LYPD6B: variants seen among roughly 807,000 people sequenced by gnomAD.
LYPD6B encodes the protein LY6/PLAUR domain containing 6B.
A neutral mutation model predicts 22.8 loss-of-function variants in LYPD6B; 17 were observed. The observed-to-expected ratio is 0.75, with a 90% CI of 0.51 to 1.12. The LOEUF (loss-of-function observed/expected upper bound fraction) is 1.12. Ranked by LOEUF, LYPD6B falls within the 50% of genes most tolerant of loss-of-function variation. The pLI, the probability that LYPD6B is intolerant of heterozygous loss-of-function variation, is 0.00. For synonymous variants in LYPD6B, 106 were observed against 91.6 expected, an observed-to-expected ratio of 1.16 and a Z score of -0.90; for missense variants, 221 against 258.3, an observed-to-expected ratio of 0.86 and a Z score of 0.99.
intron 4 of LYPD6B, chr2:149,206,197 T>A: frequency 3.8e-6 from 1 of 264,754 alleles, no homozygotes; most frequent in Admixed American, 4.6e-5. Flanking sequence ...GTCAAGAGGG[T>A]GAGATGCAGA....
intron 1 of LYPD6B, among the ~76,000 whole-genome samples, chr2:149,077,207 C>G (rs1684918884): frequency 6.6e-6 from 1 of 152,106 alleles, no homozygotes; most frequent in South Asian, 2.1e-4. Context: ...TGCAACTTTG[C>G]AAAGATAAGG....
intron 1 of LYPD6B, among the ~76,000 whole-genome samples, chr2:149,074,028 C>A (rs1414455221): frequency 6.6e-6 from 1 of 152,150 alleles, no homozygotes; most frequent in Non-Finnish European, 1.5e-5. Context: ...ATACAAGCAT[C>A]TAAGGATCAA....
chr2:149,090,860 C>T (rs1245175834), intron 1 of LYPD6B, among the ~76,000 whole-genome samples: 3 of 152,158 alleles, frequency 2.0e-5, no homozygotes, highest in Non-Finnish European at 4.4e-5. Flanking sequence ...TATAAAACCA[C>T]AGCATTTGGC....
Position 149,173,349 on chromosome 2 carries a change from C to CTTTTTTTTTTT in LYPD6B, c.77+12524_77+12534dup, listed in dbSNP as rs67113716. Among the ~76,000 whole-genome samples the CTTTTTTTTTTT allele has an allele frequency of 1.2e-3, 72 of 58,480 alleles. 3 individuals are homozygous for CTTTTTTTTTTT. Among genetic ancestry groups the CTTTTTTTTTTT allele is most frequent in the East Asian group, 2.2e-3 (4 of 1,818 alleles). The allele number at this position is 58,480 out of a possible 152,430, so 38.4% of individuals were successfully genotyped here. ...AGCTTGATGCTTTAGTCTGTCAGGC[C>CTTTTTTTTTTT]TTTTTTTTTTTTTTTTTTTTGCATC... On this transcript the variant is annotated intron_variant, in intron 3 of 6. Coordinates refer to ENST00000409642, the MANE Select transcript of LYPD6B (RefSeq NM_177964.5).
chr2:149,083,032 T>C (rs1440513006), intron 1 of LYPD6B, among the ~76,000 whole-genome samples: 2 of 152,146 alleles, frequency 1.3e-5, no homozygotes, highest in African/African-American at 4.8e-5. Context: ...TGTCAGATAA[T>C]GAAGCCAACG....
rs1691004163 is a variant in LYPD6B at position 149,173,393 on chromosome 2, A to G, written c.77+12558A>G. ...TTGCATCTTGATTCTGCTATGAAAC[A>G]TAGTAGCTGCCATTCCTGGCTTTGT... On this transcript the variant is annotated intron_variant, in intron 3 of 6. Transcript: ENST00000409642. Among the ~76,000 whole-genome samples, 4 of 137,772 alleles carry G rather than the reference A, an allele frequency of 2.9e-5. No individual in the cohort carries two copies. The South Asian group carries it at 9.1e-4, about 31-fold the overall frequency. The allele number at this position is 137,772 out of a possible 152,430, so 90.4% of individuals were successfully genotyped here. A position where few individuals can be genotyped will look rare whatever the true frequency, so the allele number is the denominator to read the frequency against.
At chr2:149,191,506 A>G (rs1181407992) in intron 3 of LYPD6B, among the ~76,000 whole-genome samples, 2 of 152,138 alleles carry the variant, frequency 1.3e-5, no homozygotes, top group Non-Finnish European at 2.9e-5. Context: ...ATTTGAGTCT[A>G]TGTCTGGACC....
At chr2:149,087,059 C>T (rs965411092) in intron 1 of LYPD6B, among the ~76,000 whole-genome samples, 1 of 151,640 alleles carries the variant, frequency 6.6e-6, no homozygotes, top group Admixed American at 6.6e-5. Flanking sequence ...TTCTGAGGCA[C>T]TTGGGTATTA....
chr2:149,049,190 T>G (rs558749376), intron 1 of LYPD6B, among the ~76,000 whole-genome samples: 2 of 152,334 alleles, frequency 1.3e-5, no homozygotes, highest in East Asian at 3.9e-4. Flanking sequence ...GATAGTCTCT[T>G]AGAATGGGGA....
chr2:149,089,328 T>G (rs1233302996), intron 1 of LYPD6B, among the ~76,000 whole-genome samples: 3 of 152,208 alleles, frequency 2.0e-5, no homozygotes, highest in East Asian at 3.9e-4. Flanking sequence ...GCATGCTGGG[T>G]TAAGGATGGG....
At chr2:149,084,074 G>A (rs184966618) in intron 1 of LYPD6B, among the ~76,000 whole-genome samples, 224 of 152,088 alleles carry the variant, frequency 1.5e-3, no homozygotes, top group Non-Finnish European at 1.9e-3. Flanking sequence ...ACTCCTGCCT[G>A]GGCGACAGAG....
chr2:149,204,147 T>C (rs1693352277), intron 3 of LYPD6B, among the ~76,000 whole-genome samples: 2 of 152,202 alleles, frequency 1.3e-5, no homozygotes, highest in Non-Finnish European at 2.9e-5. Context: ...TCCTATGTGA[T>C]CCTTTCTGAA....
intron 3 of LYPD6B, among the ~76,000 whole-genome samples, chr2:149,204,301 T>C (rs1318839626): frequency 3.3e-5 from 5 of 152,220 alleles, no homozygotes; most frequent in Admixed American, 3.3e-4. Context: ...AGCCAGCACC[T>C]GAACCAAAGT....
chr2:149,055,529 C>T (rs925769701), intron 1 of LYPD6B, among the ~76,000 whole-genome samples: 17 of 152,224 alleles, frequency 1.1e-4, no homozygotes, highest in Middle Eastern at 6.8e-3. Flanking sequence ...GATGCTTTTC[C>T]GGTTATTTAG....
chr2:149,182,542 C>T (rs1488761393), intron 3 of LYPD6B, among the ~76,000 whole-genome samples: 1 of 152,182 alleles, frequency 6.6e-6, no homozygotes, highest in Non-Finnish European at 1.5e-5. Context: ...CCTTAAGAAG[C>T]AGCGTAAATA....
At chr2:149,083,393 T>A (rs557401475) in intron 1 of LYPD6B, among the ~76,000 whole-genome samples, 2 of 152,366 alleles carry the variant, frequency 1.3e-5, no homozygotes, top group South Asian at 4.1e-4. Flanking sequence ...TTTTCGAATT[T>A]CCCTGCTTAT....
At chr2:149,210,016 T>G (rs1693747078) in intron 5 of LYPD6B, among the ~76,000 whole-genome samples, 1 of 152,226 alleles carries the variant, frequency 6.6e-6, no homozygotes, top group South Asian at 2.1e-4. Flanking sequence ...ACAATTTGCT[T>G]TAAGTTGCCT....
At chr2:149,059,922 A>G (rs575333333) in intron 1 of LYPD6B, among the ~76,000 whole-genome samples, 12 of 152,082 alleles carry the variant, frequency 7.9e-5, no homozygotes, top group African/African-American at 2.6e-4. Flanking sequence ...AAGGTGGTTC[A>G]GGCAGGAGTG....
chr2:149,061,198 ATT>A (rs56064422), intron 1 of LYPD6B, among the ~76,000 whole-genome samples: 12,646 of 140,788 alleles, frequency 0.09, 1,217 homozygotes, highest in African/African-American at 0.24. Flanking sequence ...GCTGCAGTGC[ATT>A]TTTTTTTTTT....
Sources: allele counts gnomAD v4.1 joint callset (sites outside exome capture counted in the v4.1 genomes callset), GRCh38; gene constraint gnomAD v4.1.1; transcripts MANE v1.5; gene names NCBI Gene and HGNC (gene_info 2026-07-23, HGNC 2026-07-21).